The following PAWR variants were observed in gnomAD, a reference collection of about 807,000 sequenced individuals.
The protein encoded by PAWR is PRKC apoptosis WT1 regulator protein.
A neutral mutation model predicts 32.0 loss-of-function variants in PAWR; 23 were observed. The ratio of observed to expected loss-of-function variants is 0.72; its 90% CI spans 0.52 to 1.02. PAWR has a LOEUF of 1.02. Among genes scored for constraint, PAWR ranks in the 50% least tolerant of loss-of-function variants. The probability of loss-of-function intolerance (pLI) is 0.00; values close to 1 mark genes in which losing one functional copy is unlikely to be tolerated. For synonymous variants in PAWR, 226 were observed against 187.1 expected, an observed-to-expected ratio of 1.21 and a Z score of -1.70; for missense variants, 457 against 437.7, an observed-to-expected ratio of 1.04 and a Z score of -0.39.
intron 2 of PAWR, among the ~76,000 whole-genome samples, chr12:79,633,964 T>A (rs2136753528): frequency 6.6e-6 from 1 of 152,226 alleles, no homozygotes; most frequent in East Asian, 1.9e-4. Context: ...ACGGGCAGTG[T>A]GCTGGTATAG....
At chr12:79,656,685 A>T (rs1161856711) in intron 2 of PAWR, among the ~76,000 whole-genome samples, 1 of 152,250 alleles carries the variant, frequency 6.6e-6, no homozygotes, top group Non-Finnish European at 1.5e-5. Context: ...AAATTCAATA[A>T]TGACATCCAG....
intron 4 of PAWR, among the ~76,000 whole-genome samples, chr12:79,605,635 T>A (rs1003436730): frequency 5.9e-5 from 9 of 152,124 alleles, no homozygotes; most frequent in African/African-American, 2.2e-4. Context: ...GCCTATTATA[T>A]GTATAATATT....
chr12:79,657,673 A>T (rs1039367612), intron 2 of PAWR, among the ~76,000 whole-genome samples: 4 of 152,038 alleles, frequency 2.6e-5, no homozygotes, highest in African/African-American at 7.2e-5. Context: ...GGGCGCATGT[A>T]GTCCCAGCGA....
At chr12:79,605,333 C>T (rs911428961) in intron 4 of PAWR, among the ~76,000 whole-genome samples, 2 of 152,004 alleles carry the variant, frequency 1.3e-5, no homozygotes, top group African/African-American at 4.8e-5. Context: ...AATTTCACCA[C>T]CTGAGAGCTA....
intron 4 of PAWR, among the ~76,000 whole-genome samples, chr12:79,601,440 A>G (rs1873958194): frequency 6.6e-6 from 1 of 152,048 alleles, no homozygotes; most frequent in African/African-American, 2.4e-5. Context: ...CCTGGCCTCA[A>G]GCGATCTTCC....
intron 2 of PAWR, among the ~76,000 whole-genome samples, chr12:79,665,099 G>T (rs1877540808): frequency 6.6e-6 from 1 of 152,106 alleles, no homozygotes; most frequent in Non-Finnish European, 1.5e-5. Context: ...TTTAATTTCT[G>T]AGATATGTTT....
chr12:79,588,608 G>C lies in PAWR; in HGVS notation c.*3999C>G, dbSNP rs1873454747. ...GGCTAATGCTAAGACTGCATTTTGT[G>C]CTACTGACATGCACTATATAGATCG... On this transcript the variant is annotated 3_prime_UTR_variant, in exon 7 of 7. Coordinates refer to ENST00000328827, the MANE Select transcript of PAWR (RefSeq NM_002583.4). The C allele has an allele frequency of 6.6e-6, 1 of 151,874 alleles. No homozygotes were observed. Among genetic ancestry groups the C allele is most frequent in the Admixed American group, 6.6e-5 (1 of 15,236 alleles). The allele number at this position is 151,874 out of a possible 1,614,324, so 9.4% of individuals were successfully genotyped here. A position where few individuals can be genotyped will look rare whatever the true frequency, so the allele number is the denominator to read the frequency against.
intron 2 of PAWR, among the ~76,000 whole-genome samples, chr12:79,634,408 G>C (rs925539164): frequency 2.0e-5 from 3 of 152,024 alleles, no homozygotes; most frequent in African/African-American, 7.2e-5. Flanking sequence ...ACTTAAAGTA[G>C]GGTACTACTA....
At chr12:79,606,978 A>G (rs975956891) in intron 4 of PAWR, among the ~76,000 whole-genome samples, 9 of 152,176 alleles carry the variant, frequency 5.9e-5, no homozygotes, top group African/African-American at 2.2e-4. Context: ...TCAGAAATTC[A>G]CCAGTCCACA....
rs1179979987 is a variant in PAWR, at chr12:79,690,070, C to A, written c.175G>T (p.Gly59Cys). The change falls in exon 2 of 7, where the codon GGC (glycine) becomes TGC (cysteine). Residue 59 changes from glycine to cysteine, a missense_variant. By Grantham distance (159) the Gly-to-Cys change is radical. Transcript: ENST00000328827. The stretch of plus-strand genomic sequence containing the variant: ...TTGGCAGCGGCGGCCGCCGGGGTGC[C>A]CAGAGCCCCCGCGGGGGGCTTCCCA... The part of the protein sequence containing the change: ...AAGKPPAGAL[G>C]TPAAAAANEL... 1 of 1,407,652 alleles carries A rather than the reference C, an allele frequency of 7.1e-7. No homozygotes were observed. The highest frequency in any genetic ancestry group is 1.5e-5 in the South Asian group (1 of 65,252). 87.2% of individuals were successfully genotyped at this position (1,407,652 alleles called of 1,614,324 possible).
chr12:79,641,750 G>C lies in PAWR; in HGVS notation c.517-20543C>G, dbSNP rs377091362. Among the ~76,000 whole-genome samples the C allele has an allele frequency of 4.6e-5, 7 of 150,666 alleles. No individual in the cohort carries two copies. In the South Asian group the frequency reaches 6.3e-4, roughly 14 times the overall value. On this transcript the variant is annotated intron_variant, in intron 2 of 6. Coordinates refer to ENST00000328827, the MANE Select transcript of PAWR (RefSeq NM_002583.4). ...TAATCCCAGCTTCTTGGGAGGCTGA[G>C]GCAGGAGAATCACGTGGACCAGGGA... is the stretch of plus-strand genomic sequence containing the variant.
At chr12:79,662,263 G>GAAAC (rs1877390771) in intron 2 of PAWR, among the ~76,000 whole-genome samples, 1 of 150,518 alleles carries the variant, frequency 6.6e-6, no homozygotes, top group African/African-American at 2.5e-5. Context: ...TTCAGGACAG[G>GAAAC]AAACAGTAAT....
At chr12:79,659,548 C>T (rs1267407730) in intron 2 of PAWR, among the ~76,000 whole-genome samples, 1 of 152,098 alleles carries the variant, frequency 6.6e-6, no homozygotes, top group Non-Finnish European at 1.5e-5. Flanking sequence ...ACATTGTCCG[C>T]ACCAAGAAAC....
rs544328463 is a variant in PAWR, at chr12:79,641,339, A to C, written c.517-20132T>G. 5.3e-5 allele frequency among the ~76,000 whole-genome samples: 8 copies of C among 152,290 alleles called. No individual in the cohort carries two copies. In the East Asian group the frequency reaches 1.4e-3, roughly 26 times the overall value. On this transcript the variant is annotated intron_variant, in intron 2 of 6. Transcript: ENST00000328827. ...TACTATTTTTATCCCTACTTTATGGATTTGAAAGCAGTTAAACATTTGCTT... is the reference window on the plus strand; with the variant it reads ...TACTATTTTTATCCCTACTTTATGGCTTTGAAAGCAGTTAAACATTTGCTT...
At chr12:79,627,160 G>A (rs971367916) in intron 2 of PAWR, among the ~76,000 whole-genome samples, 6 of 151,926 alleles carry the variant, frequency 3.9e-5, no homozygotes, top group East Asian at 3.9e-4. Context: ...CTGAGGAATC[G>A]CCACACTGAC....
chr12:79,689,589 C>A (rs1042740645), intron 2 of PAWR, 140 bp downstream of exon 2: 3 of 928,112 alleles, frequency 3.2e-6, no homozygotes, highest in South Asian at 3.4e-5. Flanking sequence ...TCCATCACCC[C>A]CTGCCTGCCT....
At chr12:79,688,200 C>A (rs1878777141) in intron 2 of PAWR, among the ~76,000 whole-genome samples, 3 of 151,192 alleles carry the variant, frequency 2.0e-5, no homozygotes, top group Admixed American at 6.6e-5. Flanking sequence ...ACTCTACTTA[C>A]TTCCCCCAGT....
At chr12:79,613,505 C>CTAGT in intron 4 of PAWR, 70 bp downstream of exon 4, 1 of 765,388 alleles carries the variant, frequency 1.3e-6, no homozygotes. Context: ...TTAAATAGTT[C>CTAGT]TAGTTAAGTC....
intron 2 of PAWR, among the ~76,000 whole-genome samples, chr12:79,681,563 G>A (rs1157468703): frequency 6.6e-6 from 1 of 152,148 alleles, no homozygotes; most frequent in East Asian, 1.9e-4. Context: ...CAAATCAATA[G>A]TGTGGTTCCA....
Sources: allele counts gnomAD v4.1 joint callset (sites outside exome capture counted in the v4.1 genomes callset), GRCh38; gene constraint gnomAD v4.1.1; transcripts MANE v1.5; gene names NCBI Gene and HGNC (gene_info 2026-07-23, HGNC 2026-07-21).